LCORL: variants seen among roughly 807,000 people sequenced by gnomAD.
LCORL encodes the protein ligand-dependent nuclear receptor corepressor-like protein.
In LCORL, 41 loss-of-function variants were observed where a neutral mutation model predicts 141.8. The observed-to-expected ratio is 0.29, with a 90% confidence interval of 0.23 to 0.38. The LOEUF (loss-of-function observed/expected upper bound fraction) is 0.38, where lower values mean the gene tolerates loss of function less well. Among genes scored for constraint, LCORL ranks in the 10% least tolerant of loss-of-function variants. The pLI is 1.00. For synonymous variants in LCORL, 618 were observed against 694.1 expected (o/e 0.89, Z 1.72); for missense variants, 1,759 against 2,035.0 (o/e 0.86, Z 2.61).
Position 18,021,618 on chromosome 4 carries a change from T to C in LCORL, c.134A>G (p.His45Arg). The C allele has an allele frequency of 6.5e-7, 1 of 1,545,652 alleles. No individual in the cohort carries two copies. The highest frequency in any genetic ancestry group is 8.7e-7 in the Non-Finnish European group (1 of 1,145,042). Residue 45 changes from histidine to arginine, a missense_variant, in exon 1 of 8, where the codon CAC becomes CGC. Transcript: ENST00000635767. This position sits in a 1 kb window ranked among gnomAD's most constrained non-coding sequence, Gnocchi z 5.5. ...CTTACCTACACAGTGCATGAGGCGG[T>C]GGCGCCAAGAGTCGAGTTCCCGCCG...
intron 4 of LCORL, among the ~76,000 whole-genome samples, chr4:17,915,352 C>T (rs1733227932): frequency 6.6e-6 from 1 of 152,122 alleles, no homozygotes; most frequent in African/African-American, 2.4e-5. Flanking sequence ...TGAGCCAAAA[C>T]CAACTAGCTG....
chr4:17,969,826 G>T (rs1715593710), intron 2 of LCORL, among the ~76,000 whole-genome samples: 1 of 152,028 alleles, frequency 6.6e-6, no homozygotes, highest in African/African-American at 2.4e-5. Context: ...AATAAGAAAT[G>T]ATTAAAATTA....
chr4:17,998,554 G>C (rs1721276814), intron 1 of LCORL, among the ~76,000 whole-genome samples: 4 of 151,948 alleles, frequency 2.6e-5, no homozygotes, highest in Admixed American at 2.6e-4. Context: ...TTAACATCTT[G>C]TCCCACTGGA....
intron 7 of LCORL, among the ~76,000 whole-genome samples, chr4:17,849,957 A>G (rs1226946886): frequency 6.6e-6 from 1 of 151,692 alleles, no homozygotes; most frequent in Non-Finnish European, 1.5e-5. Context: ...AACAGAACAG[A>G]GCCCTCAGAA....
chr4:17,881,056 TA>T, intron 6 of LCORL: 1 of 977,922 alleles, frequency 1.0e-6, no homozygotes. Context: ...AAAGTTAGTA[TA>T]CAATTTAATA....
At position 18,021,527 on chromosome 4, in the gene LCORL, G is replaced by A. The variant is rs1299873029; in HGVS notation, c.154+71C>T. 5 of 1,374,746 alleles carry A rather than the reference G, an allele frequency of 3.6e-6. No homozygotes were observed. In the Admixed American group the frequency reaches 1.3e-4, roughly 35 times the overall value. 85.2% of individuals were successfully genotyped at this position (1,374,746 alleles called of 1,614,324 possible). On this transcript the variant is annotated intron_variant, in intron 1 of 7. Coordinates refer to ENST00000635767, the Ensembl canonical transcript of LCORL. This position sits in a 1 kb window ranked among gnomAD's most constrained non-coding sequence, Gnocchi z 5.5. ...ACGGGAGATTCAACTAAACCCCTCA[G>A]CCACAAACTCCTCGGGCTGCGACAG...
chr4:17,888,411 T>C (rs1728607013), intron 5 of LCORL, among the ~76,000 whole-genome samples: 1 of 152,148 alleles, frequency 6.6e-6, no homozygotes, highest in Non-Finnish European at 1.5e-5. Context: ...TTTATCTATG[T>C]AACTACTTGA....
intron 1 of LCORL, among the ~76,000 whole-genome samples, chr4:17,995,397 G>A (rs1181845952): frequency 6.6e-6 from 1 of 152,042 alleles, no homozygotes; most frequent in African/African-American, 2.4e-5. Context: ...GAGGCCAACT[G>A]TGCTGCTAAA....
exon 8 of LCORL, chr4:17,843,538 C>T (rs1366703201): frequency 8.4e-7 from 1 of 1,189,882 alleles, no homozygotes; most frequent in East Asian, 2.4e-5. Context: ...TGAAGATTTT[C>T]TGCTGTGCGC....
intron 6 of LCORL, chr4:17,882,586 G>C: frequency 2.0e-6 from 2 of 984,600 alleles, no homozygotes; most frequent in East Asian, 1.1e-4. Flanking sequence ...TTAAATATTT[G>C]TAAATCTATT....
In LCORL at chr4:17,884,348, A is replaced by C; in HGVS notation, c.776+1720T>G. The C allele has an allele frequency of 6.5e-7, 1 of 1,546,570 alleles. No individual in the cohort carries two copies. The highest frequency in any genetic ancestry group is 8.7e-7 in the Non-Finnish European group (1 of 1,145,368). Reference sequence around the variant, plus strand: ...TTGGAGGCTTTCATTTTTTTCTTTAAACTGAGTGACCATTTTCTGTAGAGT... The same window carrying C: ...TTGGAGGCTTTCATTTTTTTCTTTACACTGAGTGACCATTTTCTGTAGAGT... On this transcript the variant is annotated intron_variant, in intron 6 of 7. Transcript: ENST00000635767. The surrounding 1 kb of genome is among the most constrained non-coding windows in gnomAD (Gnocchi z 4.4).
At chr4:17,965,355 G>T (rs1259105728) in intron 2 of LCORL, among the ~76,000 whole-genome samples, 1 of 151,862 alleles carries the variant, frequency 6.6e-6, no homozygotes, top group African/African-American at 2.4e-5. Context: ...CTCTCCCCAG[G>T]TTATCTTTCA....
intron 5 of LCORL, among the ~76,000 whole-genome samples, chr4:17,897,213 C>CCTTTGTTTTTTTTTTT (rs1553863446): frequency 1.6e-5 from 1 of 63,996 alleles, no homozygotes; most frequent in Non-Finnish European, 2.9e-5. Context: ...ATACTGATTT[C>CCTTTGTTTTTTTTTTT]TTTTTTTTTT....
chr4:17,958,998 C>A (rs1184599815), intron 4 of LCORL, among the ~76,000 whole-genome samples: 1 of 152,030 alleles, frequency 6.6e-6, no homozygotes, highest in Admixed American at 6.6e-5. Flanking sequence ...AGAACATCCT[C>A]CTCTGCATTT....
chr4:17,983,688 T>C (rs887403306), intron 1 of LCORL, among the ~76,000 whole-genome samples: 7 of 152,190 alleles, frequency 4.6e-5, no homozygotes, highest in Admixed American at 4.6e-4. Flanking sequence ...GTTTTCTAGA[T>C]ATAGAATGAT....
chr4:17,877,466 G>A (rs1453500021), exon 7 of LCORL: 1 of 1,228,826 alleles, frequency 8.1e-7, no homozygotes, highest in African/African-American at 1.6e-5. Context: ...TGTCATTTGA[G>A]AGTAAAGAAT....
chr4:17,892,197 A>AT (rs770471544), intron 5 of LCORL, among the ~76,000 whole-genome samples: 76 of 119,666 alleles, frequency 6.4e-4, no homozygotes, highest in East Asian at 5.7e-3. Flanking sequence ...GTCAAATAGT[A>AT]TTTTTTTTTT....
At chr4:17,924,645 T>C (rs1423543989) in intron 4 of LCORL, among the ~76,000 whole-genome samples, 1 of 152,214 alleles carries the variant, frequency 6.6e-6, no homozygotes, top group Non-Finnish European at 1.5e-5. Flanking sequence ...CATGGACTCA[T>C]GGAACGTCTT....
intron 7 of LCORL, among the ~76,000 whole-genome samples, chr4:17,871,238 T>A (rs571129386): frequency 6.6e-6 from 1 of 151,318 alleles, no homozygotes; most frequent in African/African-American, 2.4e-5. Context: ...TCCTTGTTGA[T>A]TGACTAAAAA....
Sources: gnomAD v4.1 joint callset for allele counts (sites outside exome capture counted in the v4.1 genomes callset) on GRCh38, gnomAD v4.1.1 for gene constraint, Gnocchi (gnomAD v3.1) non-coding constraint, MANE v1.5 for transcripts, NCBI Gene and HGNC (gene_info 2026-07-23, HGNC 2026-07-21) for gene names.